PIK3CB: variants seen among roughly 807,000 people sequenced by gnomAD.
PIK3CB encodes phosphatidylinositol-4,5-bisphosphate 3-kinase catalytic subunit beta.
A neutral mutation model predicts 136.8 loss-of-function variants in PIK3CB; 39 were observed. The observed-to-expected ratio is 0.29, with a 90% CI of 0.22 to 0.37. PIK3CB has a LOEUF of 0.37. Ranked by LOEUF, PIK3CB falls within the 10% of genes least tolerant of loss-of-function variation. PIK3CB has a pLI of 1.00. For synonymous variants in PIK3CB, 428 were observed against 436.6 expected, an observed-to-expected ratio of 0.98 and a Z score of 0.25; for missense variants, 868 against 1,275.4, an observed-to-expected ratio of 0.68 and a Z score of 4.87.
intron 19 of PIK3CB, among the ~76,000 whole-genome samples, chr3:138,669,194 T>G (rs1439464039): frequency 6.6e-6 from 1 of 152,050 alleles, no homozygotes; most frequent in African/African-American, 2.4e-5. Context: ...GGCGGACTGC[T>G]TGAGTCAAGG....
chr3:138,668,609 A>G (rs1020625538), intron 19 of PIK3CB, among the ~76,000 whole-genome samples: 1 of 152,264 alleles, frequency 6.6e-6, no homozygotes, highest in African/African-American at 2.4e-5. Flanking sequence ...AATGAAATAA[A>G]TTCTACAACA....
intron 11 of PIK3CB, among the ~76,000 whole-genome samples, chr3:138,705,181 CAAAACAAACA>C (rs2044347139): frequency 1.7e-5 from 1 of 58,528 alleles, no homozygotes; most frequent in African/African-American, 8.3e-5. Context: ...AAACAAAAAA[CAAAACAAACA>C]AAAAAAAAAA....
At position 138,734,753 on chromosome 3, in the gene PIK3CB, C is replaced by T. The variant is rs778315526; in HGVS notation, c.853G>A (p.Glu285Lys). The T allele has an allele frequency of 2.5e-6, 4 of 1,613,262 alleles. No individual in the cohort carries two copies. The South Asian group carries it at 4.4e-5, about 18-fold the overall frequency. ...NRALPHFILV[E>K]CCKIKKMYEQ... ...TACATTTTCTTGATCTTGCAGCATT[C>T]CACAAGTATAAAATGGGGCAGGGCT... is the stretch of plus-strand genomic sequence containing the variant. Residue 285 changes from glutamate (E) to lysine (K), a missense_variant, in exon 7 of 24, where the codon GAA (glutamate) becomes AAA (lysine). Physicochemically the swap from Glu to Lys is moderately conservative, Grantham distance 56 (BLOSUM62 1). Transcript: ENST00000674063.
In PIK3CB at chr3:138,764,995, T is replaced by A. The variant is rs78750048; in HGVS notation, c.-16-5636A>T. Among the ~76,000 whole-genome samples, 1,256 of 152,272 alleles carry A rather than the reference T, an allele frequency of 8.2e-3. 28 individuals carry two copies. The highest frequency in any genetic ancestry group is 0.029 in the African/African-American group (1,198 of 41,558). On this transcript the variant is annotated intron_variant, in intron 2 of 23. Coordinates refer to ENST00000674063, the MANE Select transcript of PIK3CB (RefSeq NM_006219.3). ...TAGCCTCTCAATAAATAATCACTTA[T>A]GGTTAAATGAAGAAATGAGTAACAA...
At chr3:138,794,295 A>G (rs915441893) in intron 2 of PIK3CB, among the ~76,000 whole-genome samples, 1 of 152,172 alleles carries the variant, frequency 6.6e-6, no homozygotes, top group African/African-American at 2.4e-5. Context: ...AAGTGGTATG[A>G]CATGATATAT....
chr3:138,795,476 C>T (rs1002441127), intron 2 of PIK3CB, among the ~76,000 whole-genome samples: 4 of 151,476 alleles, frequency 2.6e-5, no homozygotes, highest in African/African-American at 4.9e-5. Context: ...ATTAAAAATA[C>T]AAAAATTAGC....
chr3:138,737,497 C>G (rs932315103), intron 6 of PIK3CB, among the ~76,000 whole-genome samples: 1 of 147,956 alleles, frequency 6.8e-6, no homozygotes, highest in African/African-American at 2.5e-5. Flanking sequence ...AACATAACTG[C>G]AAAAAGTGAC....
At chr3:138,793,429 A>C (rs1046591977) in intron 2 of PIK3CB, among the ~76,000 whole-genome samples, 2 of 150,428 alleles carry the variant, frequency 1.3e-5, no homozygotes, top group African/African-American at 2.4e-5. Context: ...AACATGGTGA[A>C]ACCCCGTCTC....
At chr3:138,747,350 G>T (rs1020685084) in intron 4 of PIK3CB, among the ~76,000 whole-genome samples, 2 of 151,710 alleles carry the variant, frequency 1.3e-5, no homozygotes, top group South Asian at 4.2e-4. Flanking sequence ...ATGAGAACTC[G>T]GAGAGATCCC....
In PIK3CB at chr3:138,665,053, A is replaced by G. The variant is rs1389326597; in HGVS notation, c.2655T>C (p.Leu885=). Residue 885 remains leucine, a synonymous_variant, in exon 20 of 24, where the codon CTT becomes CTC. Coordinates refer to ENST00000674063, the MANE Select transcript of PIK3CB (RefSeq NM_006219.3). Reference sequence around the variant, plus strand: ...AAACTAACCCAGAGTTGTATTCTTTAAGCCAGTTCAGAAGGGCATCTTTGT... The same window carrying G: ...AAACTAACCCAGAGTTGTATTCTTTGAGCCAGTTCAGAAGGGCATCTTTGT... ...AFNKDALLNW[L]KEYNSGDDLD... The G allele has an allele frequency of 6.2e-7, 1 of 1,609,504 alleles. No homozygotes were observed. Among genetic ancestry groups the G allele is most frequent in the Admixed American group, 1.7e-5 (1 of 59,628 alleles).
intron 4 of PIK3CB, among the ~76,000 whole-genome samples, chr3:138,744,488 G>C (rs1295376353): frequency 2.0e-5 from 3 of 150,918 alleles, no homozygotes; most frequent in African/African-American, 4.9e-5. Flanking sequence ...TGAGGAGGAG[G>C]GGGAGAGGTT....
rs771006104 is a variant in PIK3CB at position 138,652,824 on chromosome 3, A to G, written c.*2565T>C. The G allele has an allele frequency of 9.0e-5, 20 of 221,270 alleles. No homozygotes were observed. The highest frequency in any genetic ancestry group is 7.5e-4 in the Admixed American group (13 of 17,366). The allele number at this position is 221,270 out of a possible 1,614,324, so 13.7% of individuals were successfully genotyped here. Reference sequence around the variant, plus strand: ...CCAATTACCCTGATGCGATAATTACATGTTATATGCCTGTATCAAAATATT... The same window carrying G: ...CCAATTACCCTGATGCGATAATTACGTGTTATATGCCTGTATCAAAATATT... On this transcript the variant is annotated 3_prime_UTR_variant, in exon 24 of 24. Transcript: ENST00000674063.
intron 1 of PIK3CB, 90 bp downstream of exon 1, chr3:138,834,605 C>G (rs2108949622): frequency 6.5e-6 from 1 of 153,048 alleles, no homozygotes; most frequent in East Asian, 1.9e-4. Flanking sequence ...CTAGAACGCA[C>G]CGCCAGCACG....
At chr3:138,744,187 T>C (rs1218266138) in intron 4 of PIK3CB, among the ~76,000 whole-genome samples, 2 of 149,476 alleles carry the variant, frequency 1.3e-5, no homozygotes, top group Non-Finnish European at 3.0e-5. Context: ...AGGTCAGGAG[T>C]TCGAGACCAG....
At position 138,796,539 on chromosome 3, in the gene PIK3CB, T is replaced by C. The variant is rs2046111275; in HGVS notation, c.-93A>G. 7 of 152,286 alleles carry C rather than the reference T, an allele frequency of 4.6e-5. No individual in the cohort carries two copies. The allele number at this position is 152,286 out of a possible 1,614,324, so 9.4% of individuals were successfully genotyped here. On this transcript the variant is annotated 5_prime_UTR_variant, in exon 2 of 24. An upstream start codon of the reference 5' UTR is lost. Coordinates refer to ENST00000674063, the MANE Select transcript of PIK3CB (RefSeq NM_006219.3). Reference sequence around the variant, plus strand: ...TTATTTTTTAAAAGTGACGTTTTCATGGAAGACTTTTTCCAGTTAAAACAT... The same window carrying C: ...TTATTTTTTAAAAGTGACGTTTTCACGGAAGACTTTTTCCAGTTAAAACAT...
At chr3:138,805,168 G>C (rs1296822825) in intron 1 of PIK3CB, among the ~76,000 whole-genome samples, 3 of 151,134 alleles carry the variant, frequency 2.0e-5, no homozygotes, top group South Asian at 4.2e-4. Flanking sequence ...AACCGTCTCT[G>C]CTTAAAATAA....
intron 8 of PIK3CB, among the ~76,000 whole-genome samples, chr3:138,720,640 G>T (rs2044705930): frequency 6.6e-6 from 1 of 152,164 alleles, no homozygotes; most frequent in African/African-American, 2.4e-5. Context: ...GCCAAGGCAG[G>T]CAGATCCCTT....
chr3:138,805,632 A>C (rs972792729), intron 1 of PIK3CB, among the ~76,000 whole-genome samples: 1 of 151,850 alleles, frequency 6.6e-6, no homozygotes, highest in Non-Finnish European at 1.5e-5. Flanking sequence ...AGATTGCGCC[A>C]CAGCACTCCA....
Position 138,824,173 on chromosome 3 carries a change from T to C in PIK3CB, c.-122+10522A>G, listed in dbSNP as rs61301555. On this transcript the variant is annotated intron_variant, in intron 1 of 23. Transcript: ENST00000674063. ...TGTAGTTTAAAACAAAGCCTTTGGATTACCCATGGATTTAGTTTAATCCAT... is the reference window on the plus strand; with the variant it reads ...TGTAGTTTAAAACAAAGCCTTTGGACTACCCATGGATTTAGTTTAATCCAT... Among the ~76,000 whole-genome samples the C allele has an allele frequency of 1.3e-3, 193 of 152,264 alleles. 1 individual carries two copies. The highest frequency in any genetic ancestry group is 2.4e-3 in the Non-Finnish European group (161 of 68,034).
Sources: allele counts gnomAD v4.1 joint callset (sites outside exome capture counted in the v4.1 genomes callset), GRCh38; gene constraint gnomAD v4.1.1; transcripts MANE v1.5; gene names NCBI Gene and HGNC (gene_info 2026-07-23, HGNC 2026-07-21).